Variants in SPATS2L observed in about 807,000 individuals in gnomAD.
SPATS2L encodes SPATS2-like protein.
In SPATS2L, 30 loss-of-function variants were observed where a neutral mutation model predicts 59.6. That is an observed-to-expected ratio of 0.50 (90% CI 0.38 to 0.68). The LOEUF is 0.68. Ranked by LOEUF, SPATS2L falls within the 30% of genes least tolerant of loss-of-function variation. The probability of loss-of-function intolerance (pLI) is 0.00; values close to 1 mark genes in which losing one functional copy is unlikely to be tolerated. For synonymous variants in SPATS2L, 252 were observed against 263.5 expected (o/e 0.96, Z 0.42); for missense variants, 615 against 700.0 (o/e 0.88, Z 1.37).
chr2:200,459,741 T>C, intron 8 of SPATS2L, 28 bp from the exon 9 acceptor site: 1 of 1,569,236 alleles, frequency 6.4e-7, no homozygotes, highest in Non-Finnish European at 8.7e-7. Flanking sequence ...CATTCTTTGC[T>C]TTTGTTTTTG....
rs187181276 is a variant in SPATS2L at position 200,401,033 on chromosome 2, G to A, written c.40-11278G>A. ...GCTGGTTGATCAGTATAGTAGGAAG[G>A]AAAAGACTTCCAAAGCCAGGTGATT... On this transcript the variant is annotated intron_variant, in intron 3 of 12. Coordinates refer to ENST00000409140, the MANE Select transcript of SPATS2L (RefSeq NM_001100423.2). Among the ~76,000 whole-genome samples the A allele has an allele frequency of 3.3e-3, 495 of 152,304 alleles. 2 individuals carry two copies. Among genetic ancestry groups the A allele is most frequent in the Admixed American group, 3.5e-3 (54 of 15,294 alleles).
intron 3 of SPATS2L, among the ~76,000 whole-genome samples, chr2:200,406,430 G>A (rs1212514451): frequency 6.6e-6 from 1 of 151,006 alleles, no homozygotes; most frequent in Non-Finnish European, 1.5e-5. Context: ...AAAAAAAAGA[G>A]GTTATTATTA....
chr2:200,331,689 G>A (rs540081074), intron 2 of SPATS2L, among the ~76,000 whole-genome samples: 1 of 152,254 alleles, frequency 6.6e-6, no homozygotes, highest in Admixed American at 6.5e-5. Context: ...ACAAATGAGA[G>A]TATTCACCTC....
At chr2:200,436,503 T>A (rs1309379225) in intron 6 of SPATS2L, among the ~76,000 whole-genome samples, 1 of 152,134 alleles carries the variant, frequency 6.6e-6, no homozygotes, top group Non-Finnish European at 1.5e-5. Flanking sequence ...AAAAAAAATC[T>A]CTACTCACAT....
At chr2:200,427,862 G>A (rs1197044695) in intron 6 of SPATS2L, among the ~76,000 whole-genome samples, 3 of 152,004 alleles carry the variant, frequency 2.0e-5, no homozygotes, top group African/African-American at 7.2e-5. Flanking sequence ...ATAATTATGA[G>A]AGAATGGTTT....
chr2:200,393,963 C>T (rs559924941), intron 3 of SPATS2L, among the ~76,000 whole-genome samples: 6 of 152,112 alleles, frequency 3.9e-5, no homozygotes, highest in Non-Finnish European at 8.8e-5. Flanking sequence ...TGGATGAATT[C>T]GAGTAGGTGC....
chr2:200,414,204 C>A (rs1480053192), intron 4 of SPATS2L, among the ~76,000 whole-genome samples: 1 of 152,110 alleles, frequency 6.6e-6, no homozygotes, highest in Non-Finnish European at 1.5e-5. Context: ...TCTGTTTGTA[C>A]TTAAACAGAG....
intron 8 of SPATS2L, among the ~76,000 whole-genome samples, chr2:200,444,375 A>G (rs538541033): frequency 2.0e-5 from 3 of 152,262 alleles, no homozygotes; most frequent in Admixed American, 1.3e-4. Flanking sequence ...TGCTGGGGGG[A>G]AAAGTATTCC....
chr2:200,437,123 G>A (rs545528501), intron 6 of SPATS2L, among the ~76,000 whole-genome samples: 26 of 152,186 alleles, frequency 1.7e-4, no homozygotes, highest in African/African-American at 4.3e-4. Context: ...CTTGTACAGC[G>A]TACAGAACCA....
intron 6 of SPATS2L, among the ~76,000 whole-genome samples, chr2:200,426,890 G>A (rs1054651812): frequency 2.0e-5 from 3 of 152,090 alleles, no homozygotes; most frequent in Non-Finnish European, 2.9e-5. Context: ...CAGTGACTTA[G>A]AGCTCTGCTT....
chr2:200,315,676 C>T (rs1045030184), intron 1 of SPATS2L, among the ~76,000 whole-genome samples: 5 of 152,064 alleles, frequency 3.3e-5, no homozygotes, highest in African/African-American at 1.2e-4. Flanking sequence ...GATAAGGGCT[C>T]TACAGAAGTT....
chr2:200,385,129 A>G (rs1297130058), intron 2 of SPATS2L, among the ~76,000 whole-genome samples: 3 of 152,212 alleles, frequency 2.0e-5, no homozygotes, highest in East Asian at 1.9e-4. Context: ...ATATTAAGGT[A>G]TGAGTATTCA....
chr2:200,448,632 A>G (rs991155267), intron 8 of SPATS2L, among the ~76,000 whole-genome samples: 8 of 152,230 alleles, frequency 5.3e-5, no homozygotes, highest in African/African-American at 1.9e-4. Flanking sequence ...ATCAAAATCT[A>G]TACAAACCAG....
intron 6 of SPATS2L, among the ~76,000 whole-genome samples, chr2:200,420,557 C>T (rs1264546202): frequency 6.6e-6 from 1 of 152,166 alleles, no homozygotes; most frequent in Non-Finnish European, 1.5e-5. Context: ...GCACCTGCTA[C>T]AAATGCAGTC....
chr2:200,321,353 T>G (rs571642136), intron 1 of SPATS2L, among the ~76,000 whole-genome samples: 1 of 152,270 alleles, frequency 6.6e-6, no homozygotes, highest in African/African-American at 2.4e-5. Context: ...TCTACTTCTA[T>G]AAAATGAGGA....
chr2:200,404,099 C>G (rs1255945988), intron 3 of SPATS2L, among the ~76,000 whole-genome samples: 1 of 152,204 alleles, frequency 6.6e-6, no homozygotes, highest in Non-Finnish European at 1.5e-5. Flanking sequence ...AAGCTTGTTT[C>G]ATAATTTATC....
At chr2:200,306,423 G>C (rs1052799125), upstream of SPATS2L, 16 of 1,002,220 alleles carry the variant, frequency 1.6e-5, no homozygotes, top group Non-Finnish European at 6.0e-6. Flanking sequence ...AGCAAAGTGC[G>C]GAAGCTGTAC....
chr2:200,443,736 C>G (rs1263489941), intron 8 of SPATS2L, among the ~76,000 whole-genome samples: 1 of 152,194 alleles, frequency 6.6e-6, no homozygotes, highest in Non-Finnish European at 1.5e-5. Context: ...CTTGACTAAA[C>G]TCCCTGAAAA....
At chr2:200,394,264 A>G (rs181725167) in intron 3 of SPATS2L, among the ~76,000 whole-genome samples, 12 of 152,212 alleles carry the variant, frequency 7.9e-5, no homozygotes, top group African/African-American at 2.9e-4. Context: ...CGCATCTCTC[A>G]TTCGCCACCC....
Sources: gnomAD v4.1 joint callset for allele counts (sites outside exome capture counted in the v4.1 genomes callset) on GRCh38, gnomAD v4.1.1 for gene constraint, MANE v1.5 for transcripts, NCBI Gene and HGNC (gene_info 2026-07-23, HGNC 2026-07-21) for gene names.